TAOK1: variants seen among roughly 807,000 people sequenced by gnomAD.
The protein encoded by TAOK1 is serine/threonine-protein kinase TAO1.
Under a neutral mutation model 138.3 loss-of-function variants are expected in TAOK1, and 21 were observed. The ratio of observed to expected loss-of-function variants is 0.15; its 90% confidence interval spans 0.11 to 0.22. TAOK1 has a LOEUF of 0.22. Ranked by LOEUF, TAOK1 falls within the 10% of genes least tolerant of loss-of-function variation. TAOK1 has a pLI of 1.00. For missense variants in TAOK1, 651 were observed against 1,227.7 expected (o/e 0.53, Z 7.02); for synonymous variants, 361 against 398.4 (o/e 0.91, Z 1.12).
chr17:29,478,908 G>A (rs1024084932), intron 6 of TAOK1, among the ~76,000 whole-genome samples: 1 of 152,134 alleles, frequency 6.6e-6, no homozygotes, highest in African/African-American at 2.4e-5. Context: ...ATCACTTGAG[G>A]TCAGGAGTTC....
intron 17 of TAOK1, 43 bp from the exon 18 acceptor site, chr17:29,530,364 C>T (rs1366923159): frequency 1.9e-6 from 3 of 1,564,974 alleles, no homozygotes; most frequent in South Asian, 2.2e-5. Flanking sequence ...TACCAAATGC[C>T]TTTCGTTACA....
At chr17:29,391,892 C>T (rs1183741294) in intron 1 of TAOK1, among the ~76,000 whole-genome samples, 3 of 152,168 alleles carry the variant, frequency 2.0e-5, no homozygotes, top group Admixed American at 6.6e-5. Flanking sequence ...TCCTCATTTC[C>T]CTTTTCTTTT....
chr17:29,535,429 T>G (rs2032205828), intron 19 of TAOK1, among the ~76,000 whole-genome samples: 1 of 152,234 alleles, frequency 6.6e-6, no homozygotes, highest in Admixed American at 6.5e-5. Flanking sequence ...CTTAGGTCCG[T>G]CGGTTATCGC....
At chr17:29,408,048 G>T (rs1206627970) in intron 1 of TAOK1, among the ~76,000 whole-genome samples, 8 of 151,736 alleles carry the variant, frequency 5.3e-5, no homozygotes, top group African/African-American at 1.9e-4. Context: ...TTGATTTTTT[G>T]TAGAGATTTT....
At chr17:29,485,232 T>TTA (rs1165864833) in intron 8 of TAOK1, among the ~76,000 whole-genome samples, 2 of 152,178 alleles carry the variant, frequency 1.3e-5, no homozygotes, top group Admixed American at 6.5e-5. Context: ...AGCTGCATGA[T>TTA]TATATAATCT....
intron 17 of TAOK1, among the ~76,000 whole-genome samples, chr17:29,523,587 C>T (rs552755972): frequency 6.7e-4 from 102 of 152,194 alleles, no homozygotes; most frequent in African/African-American, 2.1e-3. Context: ...CGGGGTTCAC[C>T]GTGTTAGCCA....
At chr17:29,457,402 CT>C (rs769026325) in intron 2 of TAOK1, among the ~76,000 whole-genome samples, 13,594 of 76,390 alleles carry the variant, frequency 0.18, 652 homozygotes, top group African/African-American at 0.21. Context: ...CACCCCAGGC[CT>C]TTTTTTTTTT....
intron 1 of TAOK1, among the ~76,000 whole-genome samples, chr17:29,450,965 A>G (rs1207178997): frequency 1.3e-5 from 2 of 152,242 alleles, no homozygotes; most frequent in Admixed American, 6.5e-5. Context: ...AATCAAGTTT[A>G]TGGAGAAACA....
At chr17:29,397,687 G>GTATGATACATGTATA in intron 1 of TAOK1, among the ~76,000 whole-genome samples, 1 of 71,086 alleles carries the variant, frequency 1.4e-5, no homozygotes, top group East Asian at 2.3e-3. Context: ...ATGTATACAT[G>GTATGATACATGTATA]TATATTCATG....
intron 16 of TAOK1, among the ~76,000 whole-genome samples, chr17:29,519,572 T>TGAGTCC (rs2031880623): frequency 6.6e-6 from 1 of 151,936 alleles, no homozygotes; most frequent in Non-Finnish European, 1.5e-5. Context: ...AGGATACCTG[T>TGAGTCC]GAGTATAGAT....
chr17:29,392,719 TA>T (rs1185845155), intron 1 of TAOK1, among the ~76,000 whole-genome samples: 1 of 152,212 alleles, frequency 6.6e-6, no homozygotes, highest in East Asian at 1.9e-4. Flanking sequence ...AGAAGAAGAC[TA>T]AAATGTGTAC....
At chr17:29,426,286 G>A (rs895524958) in intron 1 of TAOK1, among the ~76,000 whole-genome samples, 5 of 152,164 alleles carry the variant, frequency 3.3e-5, no homozygotes, top group African/African-American at 1.2e-4. Flanking sequence ...ACCTGTGTCT[G>A]CAGAGAGCGT....
chr17:29,488,343 G>A (rs1246715102), intron 8 of TAOK1, among the ~76,000 whole-genome samples: 1 of 151,994 alleles, frequency 6.6e-6, no homozygotes, highest in Non-Finnish European at 1.5e-5. Flanking sequence ...GGCCGAGACG[G>A]GTAGATCACC....
intron 1 of TAOK1, among the ~76,000 whole-genome samples, chr17:29,431,455 TAAAA>T (rs935641786): frequency 6.6e-6 from 1 of 150,528 alleles, no homozygotes; most frequent in Non-Finnish European, 1.5e-5. Flanking sequence ...ATAAATAAAT[TAAAA>T]AAAAACCTTA....
chr17:29,533,816 C>CAGAGGGAGGCCGTGGAAAGAGAGGG (rs2032173674), intron 18 of TAOK1, among the ~76,000 whole-genome samples: 3 of 54,132 alleles, frequency 5.5e-5, no homozygotes, highest in African/African-American at 8.9e-5. Flanking sequence ...GGCTCGGCAT[C>CAGAGGGAGGCCGTGGAAAGAGAGGG]AGAGGGAGAC....
intron 1 of TAOK1, among the ~76,000 whole-genome samples, chr17:29,428,412 A>G (rs1905716474): frequency 6.6e-6 from 1 of 152,194 alleles, no homozygotes; most frequent in Non-Finnish European, 1.5e-5. Context: ...GATGTGAAAA[A>G]TGCCATAGAG....
intron 7 of TAOK1, among the ~76,000 whole-genome samples, chr17:29,480,936 G>A (rs374941623): frequency 1.3e-5 from 2 of 149,530 alleles, no homozygotes; most frequent in African/African-American, 4.9e-5. Context: ...ACATGAATTA[G>A]TGATTAGTGC....
intron 16 of TAOK1, among the ~76,000 whole-genome samples, chr17:29,519,701 C>G (rs2031882739): frequency 6.6e-6 from 1 of 152,028 alleles, no homozygotes; most frequent in Non-Finnish European, 1.5e-5. Flanking sequence ...GTAAAAGATA[C>G]AATCAATCCT....
chr17:29,473,705 T>G lies in TAOK1; in HGVS notation c.205-1965T>G, dbSNP rs545975788. 2.0e-5 allele frequency among the ~76,000 whole-genome samples: 3 copies of G among 152,166 alleles called. No homozygotes were observed. In the East Asian group the frequency reaches 5.8e-4, roughly 29 times the overall value. The stretch of plus-strand genomic sequence containing the variant: ...AGCCTCTACATCAGTACTTGCTGCT[T>G]CACCTTGCACTTTTCTTTCTTTCTT... On this transcript the variant is annotated intron_variant, in intron 3 of 19. Transcript: ENST00000261716.
Sources: allele counts gnomAD v4.1 joint callset (sites outside exome capture counted in the v4.1 genomes callset), GRCh38; gene constraint gnomAD v4.1.1; transcripts MANE v1.5; gene names NCBI Gene and HGNC (gene_info 2026-07-23, HGNC 2026-07-21).